GRM5: variants seen among roughly 807,000 people sequenced by gnomAD.
GRM5 encodes the protein metabotropic glutamate receptor 5.
In GRM5, 19 loss-of-function variants were observed where a neutral mutation model predicts 83.1. The observed-to-expected ratio is 0.23, with a 90% CI of 0.16 to 0.34. The LOEUF is 0.34. GRM5 is among the 10% of genes least tolerant of loss of function. GRM5 has a pLI of 1.00. For missense variants in GRM5, 1,160 were observed against 1,588.3 expected (o/e 0.73, Z 4.58); for synonymous variants, 675 against 633.6 (o/e 1.07, Z -0.98).
chr11:88,535,575 T>C (rs1206684329), intron 8 of GRM5, among the ~76,000 whole-genome samples: 1 of 152,238 alleles, frequency 6.6e-6, no homozygotes, highest in Non-Finnish European at 1.5e-5. Flanking sequence ...ATTCTTTTTA[T>C]GTGAGATTAA....
At chr11:88,573,077 T>C (rs1943037946) in intron 7 of GRM5, among the ~76,000 whole-genome samples, 1 of 152,180 alleles carries the variant, frequency 6.6e-6, no homozygotes, top group South Asian at 2.1e-4. Context: ...TAGGTATCTA[T>C]TCACTTTTAA....
intron 4 of GRM5, among the ~76,000 whole-genome samples, chr11:88,649,163 ACATG>A (rs1218916637): frequency 1.4e-5 from 2 of 139,818 alleles, no homozygotes; most frequent in Admixed American, 1.5e-4. Context: ...ATATATACAT[ACATG>A]TGTATGTATA....
chr11:89,014,991 C>T (rs1188291794), intron 2 of GRM5, among the ~76,000 whole-genome samples: 1 of 152,010 alleles, frequency 6.6e-6, no homozygotes, highest in Non-Finnish European at 1.5e-5. Flanking sequence ...CGGCCAGAAC[C>T]CTATTTAGAA....
In GRM5 at chr11:88,590,734, C is replaced by T; in HGVS notation, c.1564-7G>A. 2 of 1,604,314 alleles carry T rather than the reference C, an allele frequency of 1.2e-6. No individual in the cohort carries two copies. The highest frequency in any genetic ancestry group is 1.7e-6 in the Non-Finnish European group (2 of 1,173,540). On this transcript the variant is annotated splice_region_variant and splice_polypyrimidine_tract_variant and intron_variant, in intron 6 of 9. Coordinates refer to ENST00000305447, the MANE Select transcript of GRM5 (RefSeq NM_001143831.3). The stretch of plus-strand genomic sequence containing the variant: ...CTTCTCCCTTTCGGATCACCTAAGG[C>T]AAATATTTGAAATTTAGATTTTTTT...
At chr11:88,630,834 T>C (rs1286261927) in intron 4 of GRM5, among the ~76,000 whole-genome samples, 1 of 152,166 alleles carries the variant, frequency 6.6e-6, no homozygotes, top group Non-Finnish European at 1.5e-5. Flanking sequence ...CACCTCGGCC[T>C]CCCAAAGTGC....
intron 2 of GRM5, among the ~76,000 whole-genome samples, chr11:88,869,719 A>G (rs1181247946): frequency 1.3e-5 from 2 of 151,548 alleles, no homozygotes; most frequent in Non-Finnish European, 3.0e-5. Flanking sequence ...TCCTTGAAAA[A>G]TATTTTTATT....
At chr11:88,816,463 T>C (rs1214147703) in intron 3 of GRM5, among the ~76,000 whole-genome samples, 1 of 142,386 alleles carries the variant, frequency 7.0e-6, no homozygotes, top group African/African-American at 2.6e-5. Flanking sequence ...TACTTGAACC[T>C]GGGAGGCAGA....
intron 3 of GRM5, among the ~76,000 whole-genome samples, chr11:88,789,476 ATT>A (rs1565231613): frequency 6.6e-6 from 1 of 152,156 alleles, no homozygotes; most frequent in Non-Finnish European, 1.5e-5. Flanking sequence ...AATGATTTTC[ATT>A]TTTGTTATAA....
chr11:88,781,179 G>T (rs185023796), intron 3 of GRM5, among the ~76,000 whole-genome samples: 75 of 149,656 alleles, frequency 5.0e-4, no homozygotes, highest in African/African-American at 1.8e-3. Context: ...TTTGTGCAGA[G>T]GCTTATTTTG....
At chr11:88,843,924 A>T (rs1389921700) in intron 3 of GRM5, among the ~76,000 whole-genome samples, 3 of 152,234 alleles carry the variant, frequency 2.0e-5, no homozygotes, top group Non-Finnish European at 4.4e-5. Context: ...AGGAAGTTAC[A>T]GAAGATGTGT....
At chr11:89,061,385 C>T (rs1479743804) in intron 1 of GRM5, among the ~76,000 whole-genome samples, 2 of 151,970 alleles carry the variant, frequency 1.3e-5, no homozygotes, top group Non-Finnish European at 2.9e-5. Context: ...GTTTCTCTAA[C>T]CAAAATGATC....
At chr11:88,775,754 G>A (rs1253040178) in intron 3 of GRM5, among the ~76,000 whole-genome samples, 1 of 152,188 alleles carries the variant, frequency 6.6e-6, no homozygotes, top group African/African-American at 2.4e-5. Context: ...GCAGTTTTGA[G>A]TGAGTTTATT....
At chr11:89,005,369 A>G (rs184325964) in intron 2 of GRM5, among the ~76,000 whole-genome samples, 1 of 152,296 alleles carries the variant, frequency 6.6e-6, no homozygotes, top group East Asian at 1.9e-4. Flanking sequence ...AGGAAGAACC[A>G]CTTGCTTGTA....
intron 2 of GRM5, among the ~76,000 whole-genome samples, chr11:88,973,428 T>C (rs1939228295): frequency 6.6e-6 from 1 of 152,090 alleles, no homozygotes; most frequent in African/African-American, 2.4e-5. Flanking sequence ...GGCCCTAAAA[T>C]ACCACCACAA....
At chr11:88,684,673 C>T (rs1940575765) in intron 3 of GRM5, among the ~76,000 whole-genome samples, 1 of 152,140 alleles carries the variant, frequency 6.6e-6, no homozygotes, top group Non-Finnish European at 1.5e-5. Flanking sequence ...CCCATAATTC[C>T]CACATGTTGT....
chr11:88,927,692 A>T (rs1444303536), intron 2 of GRM5, among the ~76,000 whole-genome samples: 1 of 152,136 alleles, frequency 6.6e-6, no homozygotes, highest in African/African-American at 2.4e-5. Flanking sequence ...TGGCTTTACT[A>T]CTGAAAACAT....
At chr11:88,990,600 G>A (rs1415006761) in intron 2 of GRM5, among the ~76,000 whole-genome samples, 9 of 148,806 alleles carry the variant, frequency 6.0e-5, no homozygotes, top group Non-Finnish European at 1.2e-4. Context: ...GAACATTGAT[G>A]CAAAAATCCT....
intron 3 of GRM5, among the ~76,000 whole-genome samples, chr11:88,663,446 A>T (rs568409449): frequency 1.4e-4 from 22 of 152,344 alleles, no homozygotes; most frequent in African/African-American, 4.8e-4. Flanking sequence ...TATTATAGCC[A>T]TTTGGAGAAA....
intron 3 of GRM5, among the ~76,000 whole-genome samples, chr11:88,691,066 TGAA>T (rs1269792696): frequency 6.6e-6 from 1 of 152,104 alleles, no homozygotes; most frequent in Non-Finnish European, 1.5e-5. Context: ...CACTGACACT[TGAA>T]GAGAGGGTGG....
Sources: gnomAD v4.1 joint callset for allele counts (sites outside exome capture counted in the v4.1 genomes callset) on GRCh38, gnomAD v4.1.1 for gene constraint, MANE v1.5 for transcripts, NCBI Gene and HGNC (gene_info 2026-07-23, HGNC 2026-07-21) for gene names.